SEPTIN7: variants seen among roughly 807,000 people sequenced by gnomAD.
SEPTIN7 encodes the protein septin 7.
In SEPTIN7, 10 loss-of-function variants were observed where a neutral mutation model predicts 63.3. The observed-to-expected ratio is 0.16, with a 90% CI of 0.10 to 0.27. The LOEUF is 0.27. Among genes scored for constraint, SEPTIN7 ranks in the 10% least tolerant of loss-of-function variants. The pLI is 1.00. For missense variants in SEPTIN7, 310 were observed against 521.0 expected (o/e 0.59, Z 3.94); for synonymous variants, 131 against 165.3 (o/e 0.79, Z 1.59).
intron 3 of SEPTIN7, among the ~76,000 whole-genome samples, chr7:35,852,387 C>T (rs1353316554): frequency 6.6e-6 from 1 of 151,620 alleles, no homozygotes. Context: ...CAACTACTTT[C>T]TTACAATTAT....
At chr7:35,868,008 G>T (rs1785923723) in intron 4 of SEPTIN7, among the ~76,000 whole-genome samples, 1 of 151,564 alleles carries the variant, frequency 6.6e-6, no homozygotes, top group Non-Finnish European at 1.5e-5. Flanking sequence ...GGGTAGCTGG[G>T]ATTACAGGCG....
At chr7:35,876,978 A>G (rs1431112542) in intron 6 of SEPTIN7, among the ~76,000 whole-genome samples, 4 of 151,934 alleles carry the variant, frequency 2.6e-5, no homozygotes, top group South Asian at 4.1e-4. Context: ...AAGAAAAAAA[A>G]ATTAGCTGGG....
chr7:35,853,354 A>T (rs921494832), intron 3 of SEPTIN7, among the ~76,000 whole-genome samples: 1 of 152,228 alleles, frequency 6.6e-6, no homozygotes, highest in African/African-American at 2.4e-5. Context: ...TGAGCCCAGC[A>T]GGCAGAAATT....
chr7:35,818,327 T>G (rs573268435), intron 1 of SEPTIN7, among the ~76,000 whole-genome samples: 2 of 152,234 alleles, frequency 1.3e-5, no homozygotes, highest in Admixed American at 1.3e-4. Flanking sequence ...ATATATCCCA[T>G]TGGTTATGGT....
At chr7:35,813,917 G>C (rs1788890820) in intron 1 of SEPTIN7, among the ~76,000 whole-genome samples, 1 of 152,112 alleles carries the variant, frequency 6.6e-6, no homozygotes, top group Non-Finnish European at 1.5e-5. Context: ...ATAATGTATT[G>C]ATATTATATT....
At chr7:35,817,958 A>G (rs1789185674) in intron 1 of SEPTIN7, among the ~76,000 whole-genome samples, 1 of 151,704 alleles carries the variant, frequency 6.6e-6, no homozygotes, top group African/African-American at 2.4e-5. Context: ...TACTACTTAC[A>G]TTACTTTACA....
chr7:35,823,103 TAAAA>T (rs1241207084), intron 1 of SEPTIN7, among the ~76,000 whole-genome samples: 1 of 152,162 alleles, frequency 6.6e-6, no homozygotes, highest in Non-Finnish European at 1.5e-5. Context: ...AGTAAAATAT[TAAAA>T]AAAGAAATAA....
chr7:35,850,059 C>G (rs190771235), intron 3 of SEPTIN7, among the ~76,000 whole-genome samples: 18 of 152,268 alleles, frequency 1.2e-4, no homozygotes, highest in African/African-American at 4.3e-4. Context: ...TTTCATCTAC[C>G]TTTCAAATCA....
At chr7:35,909,907 G>C, downstream of SEPTIN7, among the ~76,000 whole-genome samples, 1 of 152,236 alleles carries the variant, frequency 6.6e-6, no homozygotes, top group East Asian at 1.9e-4. Context: ...AAGCGGTTTA[G>C]CTGGGTGGTC....
At chr7:35,898,411 G>A in intron 12 of SEPTIN7, 28 bp downstream of exon 12, 1 of 1,427,962 alleles carries the variant, frequency 7.0e-7, no homozygotes. Context: ...CCATCTCTTA[G>A]CAGACATTGT....
the SEPTIN7 span, among the ~76,000 whole-genome samples, chr7:35,912,327 C>T: frequency 6.6e-5 from 10 of 152,340 alleles, no homozygotes; most frequent in East Asian, 1.7e-3. Flanking sequence ...ATAGCATGAG[C>T]GATCTGTGCC....
intron 13 of SEPTIN7, 141 bp from the exon 14 acceptor site, chr7:35,904,112 TA>T: frequency 1.9e-6 from 1 of 533,118 alleles, no homozygotes; most frequent in Non-Finnish European, 3.2e-6. Flanking sequence ...TGTTTACTTC[TA>T]AATCTTTTAA....
At chr7:35,822,614 ACT>A (rs1353797789) in intron 1 of SEPTIN7, among the ~76,000 whole-genome samples, 8 of 152,176 alleles carry the variant, frequency 5.3e-5, no homozygotes, top group Non-Finnish European at 7.3e-5. Flanking sequence ...CTTGCCCGCC[ACT>A]TACCTCCTCT....
At chr7:35,813,576 T>C (rs747709820) in intron 1 of SEPTIN7, among the ~76,000 whole-genome samples, 2 of 152,172 alleles carry the variant, frequency 1.3e-5, no homozygotes, top group African/African-American at 4.8e-5. Flanking sequence ...GGTTTTGCCA[T>C]GTTGACCAAG....
chr7:35,808,048 A>G (rs1583481436), intron 1 of SEPTIN7, among the ~76,000 whole-genome samples: 1 of 148,508 alleles, frequency 6.7e-6, no homozygotes, highest in Non-Finnish European at 1.5e-5. Context: ...GTCTCTCCTG[A>G]CCTCGTGATC....
At chr7:35,841,162 A>C (rs898391072) in intron 3 of SEPTIN7, among the ~76,000 whole-genome samples, 2 of 152,132 alleles carry the variant, frequency 1.3e-5, no homozygotes, top group African/African-American at 2.4e-5. Flanking sequence ...CAGGGGTTGC[A>C]GTGAGCCGAG....
the SEPTIN7 span, among the ~76,000 whole-genome samples, chr7:35,913,441 TTCTC>T: frequency 6.6e-6 from 1 of 151,962 alleles, no homozygotes; most frequent in East Asian, 1.9e-4. Context: ...CTTTCTTTCT[TTCTC>T]TTTCTCTCTT....
chr7:35,828,677 G>A (rs552643983), intron 1 of SEPTIN7, among the ~76,000 whole-genome samples: 11 of 151,928 alleles, frequency 7.2e-5, no homozygotes, highest in Non-Finnish European at 1.2e-4. Flanking sequence ...GTGCCCTGCC[G>A]ACCTCCTGTT....
chr7:35,853,280 G>A (rs969024884), intron 3 of SEPTIN7, among the ~76,000 whole-genome samples: 1 of 152,074 alleles, frequency 6.6e-6, no homozygotes, highest in African/African-American at 2.4e-5. Context: ...AAAAATATTT[G>A]CTGGATGTGG....
Sources: gnomAD v4.1 joint callset for allele counts (sites outside exome capture counted in the v4.1 genomes callset) on GRCh38, gnomAD v4.1.1 for gene constraint, MANE v1.5 for transcripts, NCBI Gene and HGNC (gene_info 2026-07-23, HGNC 2026-07-21) for gene names.